ARPP21: variants seen among roughly 807,000 people sequenced by gnomAD.
ARPP21 encodes cAMP regulated phosphoprotein 21, also known as cAMP-regulated phosphoprotein 21.
ARPP21 carries 69 observed loss-of-function variants against 113.2 expected under a neutral mutation model. The observed-to-expected ratio is 0.61, with a 90% confidence interval of 0.50 to 0.74. The LOEUF is 0.74. Among genes scored for constraint, ARPP21 ranks in the 30% least tolerant of loss-of-function variants. The pLI is 0.00. For missense variants in ARPP21, 1,070 were observed against 1,037.4 expected (o/e 1.03, Z -0.43); for synonymous variants, 368 against 375.5 (o/e 0.98, Z 0.23).
chr3:35,649,950 C>T (rs1339998292), intron 1 of ARPP21, among the ~76,000 whole-genome samples: 2 of 152,108 alleles, frequency 1.3e-5, no homozygotes, highest in African/African-American at 4.8e-5. Context: ...TTGTTTCCAA[C>T]ATTTTAAGAA....
intron 19 of ARPP21, among the ~76,000 whole-genome samples, chr3:35,765,222 T>C (rs1286960768): frequency 6.6e-6 from 1 of 152,174 alleles, no homozygotes; most frequent in Non-Finnish European, 1.5e-5. Context: ...TACCCTTCTT[T>C]TTCAAGGTTT....
intron 14 of ARPP21, among the ~76,000 whole-genome samples, chr3:35,726,964 A>G (rs2093581493): frequency 6.6e-6 from 1 of 152,248 alleles, no homozygotes; most frequent in Non-Finnish European, 1.5e-5. Flanking sequence ...GTCCATAAAC[A>G]CACACTACAG....
intron 19 of ARPP21, among the ~76,000 whole-genome samples, chr3:35,758,892 G>A (rs1404164522): frequency 6.6e-6 from 1 of 151,964 alleles, no homozygotes; most frequent in Non-Finnish European, 1.5e-5. Context: ...GTGTGTGTGG[G>A]TGGTGGGTGG....
upstream of ARPP21, among the ~76,000 whole-genome samples, chr3:35,639,281 T>A (rs1277096507): frequency 6.6e-6 from 1 of 151,920 alleles, no homozygotes; most frequent in African/African-American, 2.4e-5. This position sits in a 1 kb window ranked among gnomAD's most constrained non-coding sequence, Gnocchi z 5.0. Context: ...ATGGGCCAGT[T>A]CTGGATGCTC....
rs201882764 is a variant in ARPP21, at chr3:35,721,849, A to C, written c.1225+15A>C. 1.2e-4 allele frequency: 185 copies of C among 1,524,346 alleles called. No individual in the cohort carries two copies. The East Asian group carries it at 4.3e-3, about 36-fold the overall frequency. 94.4% of individuals were successfully genotyped at this position (1,524,346 alleles called of 1,614,324 possible). A position where few individuals can be genotyped will look rare whatever the true frequency, so the allele number is the denominator to read the frequency against. The stretch of plus-strand genomic sequence containing the variant: ...GTCCAAAGCAGGTAGTTAGTACTGA[A>C]TGTGTTTATGTCCTGTGGTATTTTT... On this transcript the variant is annotated intron_variant, in intron 14 of 20. Transcript: ENST00000684406.
intron 19 of ARPP21, among the ~76,000 whole-genome samples, chr3:35,775,989 C>T (rs1165763232): frequency 6.6e-6 from 1 of 152,098 alleles, no homozygotes; most frequent in Non-Finnish European, 1.5e-5. Context: ...TATTTTGGTA[C>T]TTTAACATGT....
intron 19 of ARPP21, among the ~76,000 whole-genome samples, chr3:35,789,057 G>A (rs1412709247): frequency 6.6e-6 from 1 of 152,184 alleles, no homozygotes; most frequent in Non-Finnish European, 1.5e-5. Flanking sequence ...TATCATCTCT[G>A]TAGCAAGCCT....
intron 9 of ARPP21, among the ~76,000 whole-genome samples, chr3:35,700,982 A>G (rs545639789): frequency 1.4e-4 from 21 of 151,856 alleles, no homozygotes; most frequent in Non-Finnish European, 2.5e-4. Context: ...CTATGTAACA[A>G]GCCTGCACGT....
intron 19 of ARPP21, chr3:35,774,949 T>C (rs2096311493): frequency 6.6e-6 from 1 of 152,130 alleles, no homozygotes; most frequent in African/African-American, 2.4e-5. Context: ...CAAAGATGAG[T>C]GAGAAAACTA....
chr3:35,644,743 A>T (rs1699518430), intron 1 of ARPP21, among the ~76,000 whole-genome samples: 1 of 152,096 alleles, frequency 6.6e-6, no homozygotes, highest in East Asian at 1.9e-4. Flanking sequence ...AATCCTTAGC[A>T]TCATATTATG....
chr3:35,657,324 G>A (rs931293322), intron 1 of ARPP21, among the ~76,000 whole-genome samples: 3 of 152,056 alleles, frequency 2.0e-5, no homozygotes, highest in African/African-American at 7.2e-5. Flanking sequence ...TTCTGAAGTA[G>A]CTATAATTTT....
intron 9 of ARPP21, among the ~76,000 whole-genome samples, chr3:35,694,810 G>A (rs2149714341): frequency 6.6e-6 from 1 of 150,600 alleles, no homozygotes; most frequent in East Asian, 2.0e-4. Flanking sequence ...AAGTAACAGA[G>A]CCTCCCTACA....
intron 19 of ARPP21, among the ~76,000 whole-genome samples, chr3:35,758,464 A>G (rs367608047): frequency 2.0e-5 from 3 of 151,844 alleles, no homozygotes; most frequent in Admixed American, 6.6e-5. Flanking sequence ...TTAATTTCCC[A>G]TTGTTAAAAA....
chr3:35,694,933 A>G (rs930888444), intron 9 of ARPP21, among the ~76,000 whole-genome samples: 6 of 147,496 alleles, frequency 4.1e-5, no homozygotes, highest in African/African-American at 1.5e-4. Flanking sequence ...GATATTATAC[A>G]TAATATATAT....
intron 20 of ARPP21, 89 bp downstream of exon 20, chr3:35,792,619 G>T (rs2096768714): frequency 1.6e-6 from 2 of 1,244,078 alleles, no homozygotes; most frequent in East Asian, 2.3e-5. Flanking sequence ...TTGGGTGGCT[G>T]GCTGGGTAAT....
intron 1 of ARPP21, among the ~76,000 whole-genome samples, chr3:35,665,341 T>C (rs1337836683): frequency 6.6e-6 from 1 of 152,214 alleles, no homozygotes; most frequent in Non-Finnish European, 1.5e-5. Context: ...TTTTTTAATA[T>C]GATAACAAGA....
intron 19 of ARPP21, among the ~76,000 whole-genome samples, chr3:35,786,284 G>T (rs989945784): frequency 6.6e-6 from 1 of 152,162 alleles, no homozygotes; most frequent in Non-Finnish European, 1.5e-5. Flanking sequence ...GGCACTTTGG[G>T]AGGCCAAGAC....
At chr3:35,672,364 C>T (rs1454245676) in intron 1 of ARPP21, among the ~76,000 whole-genome samples, 6 of 152,104 alleles carry the variant, frequency 3.9e-5, no homozygotes, top group African/African-American at 7.2e-5. Flanking sequence ...AGATCCAAAC[C>T]TCCAGAAACA....
In ARPP21 at chr3:35,792,461, G is replaced by T. The variant is rs1378901615; in HGVS notation, c.2217G>T (p.Val739=). The T allele has an allele frequency of 1.9e-6, 3 of 1,613,948 alleles. No individual in the cohort carries two copies. In the African/African-American group the frequency reaches 4.0e-5, roughly 22 times the overall value. Reference sequence around the variant, plus strand: ...AGCAGCCACCTCAGAGTCAGAACGTGATAAATAACCAACAAGGAACTCCGG... The same window carrying T: ...AGCAGCCACCTCAGAGTCAGAACGTTATAAATAACCAACAAGGAACTCCGG... ...GVQQPPQSQN[V]INNQQGTPVQ... The change falls in exon 20 of 21, where the codon GTG becomes GTT. Residue 739 remains valine (V), a synonymous_variant. Transcript: ENST00000684406.
Sources: gnomAD v4.1 joint callset for allele counts (sites outside exome capture counted in the v4.1 genomes callset) on GRCh38, gnomAD v4.1.1 for gene constraint, Gnocchi (gnomAD v3.1) non-coding constraint, MANE v1.5 for transcripts, NCBI Gene and HGNC (gene_info 2026-07-23, HGNC 2026-07-21) for gene names.